CSNK2A1: variants seen among roughly 807,000 people sequenced by gnomAD.
CSNK2A1 encodes the protein casein kinase II subunit alpha.
A neutral mutation model predicts 62.9 loss-of-function variants in CSNK2A1; 10 were observed. The ratio of observed to expected loss-of-function variants is 0.16; its 90% CI spans 0.10 to 0.27. The LOEUF (loss-of-function observed/expected upper bound fraction) is 0.27. CSNK2A1 is among the 10% of genes least tolerant of loss of function. The probability of loss-of-function intolerance (pLI) is 1.00; values close to 1 mark genes in which losing one functional copy is unlikely to be tolerated. For synonymous variants in CSNK2A1, 124 were observed against 167.8 expected, an observed-to-expected ratio of 0.74 and a Z score of 2.02; for missense variants, 160 against 492.0, an observed-to-expected ratio of 0.33 and a Z score of 6.38.
intron 13 of CSNK2A1, among the ~76,000 whole-genome samples, chr20:484,555 T>TA (rs1436637734): frequency 6.6e-6 from 1 of 152,248 alleles, no homozygotes; most frequent in Non-Finnish European, 1.5e-5. Context: ...CATGTGCTCT[T>TA]ACACCATGCT....
chr20:539,070 GCTAT>G (rs1177554179), intron 1 of CSNK2A1: 6 of 152,146 alleles, frequency 3.9e-5, no homozygotes, highest in Admixed American at 1.3e-4. Flanking sequence ...TAGAATCTTT[GCTAT>G]CTTTGTTCTC....
At chr20:505,694 A>G (rs1285731666) in intron 3 of CSNK2A1, among the ~76,000 whole-genome samples, 2 of 150,310 alleles carry the variant, frequency 1.3e-5, no homozygotes, top group Non-Finnish European at 3.0e-5. Flanking sequence ...AATTAGGCCA[A>G]TTAAAATACG....
At chr20:535,086 T>TGGCTCATG (rs1369012522) in intron 1 of CSNK2A1, among the ~76,000 whole-genome samples, 4 of 136,536 alleles carry the variant, frequency 2.9e-5, no homozygotes, top group Non-Finnish European at 6.2e-5. Context: ...ACCAGTGTGG[T>TGGCTCATG]GGCTCATGAG....
rs531707327 is a variant in CSNK2A1 at position 529,908 on chromosome 20, A to G, written c.-226-1859T>C. Among the ~76,000 whole-genome samples, 10 of 152,310 alleles carry G rather than the reference A, an allele frequency of 6.6e-5. No homozygotes were observed. In the South Asian group the frequency reaches 8.3e-4, roughly 13 times the overall value. ...AGGCATCCACTGGGGATCTTGGAAT[A>G]TATTTCCCACAGATGGCTGGGAACA... On this transcript the variant is annotated intron_variant, in intron 1 of 13. Coordinates refer to ENST00000217244, the MANE Select transcript of CSNK2A1 (RefSeq NM_177559.3).
intron 2 of CSNK2A1, among the ~76,000 whole-genome samples, chr20:525,159 T>C (rs2019052898): frequency 6.6e-6 from 1 of 152,250 alleles, no homozygotes; most frequent in East Asian, 1.9e-4. Flanking sequence ...TATAGAGAGT[T>C]TGTTCATAAA....
At chr20:508,137 C>T (rs1053708136) in intron 3 of CSNK2A1, 10 of 208,862 alleles carry the variant, frequency 4.8e-5, no homozygotes, top group Non-Finnish European at 7.6e-5. Context: ...TCTTATGGAA[C>T]CACTGTCCTA....
At chr20:505,293 A>C (rs775682522) in intron 3 of CSNK2A1, 64 bp from the exon 4 acceptor site, 39 of 1,196,148 alleles carry the variant, frequency 3.3e-5, no homozygotes, top group Non-Finnish European at 4.5e-5. Context: ...AAATTACAGG[A>C]ATCTATTACC....
intron 9 of CSNK2A1, among the ~76,000 whole-genome samples, chr20:490,328 G>GTTTTTTTTTTTTTTTT (rs1555762275): frequency 2.1e-5 from 1 of 48,444 alleles, no homozygotes; most frequent in African/African-American, 1.1e-4. Flanking sequence ...TGCCTGGCTA[G>GTTTTTTTTTTTTTTTT]TTTTTTCTTT....
At position 492,245 on chromosome 20, in the gene CSNK2A1, T is replaced by C. The variant is rs2122521540; in HGVS notation, c.621+9A>G. 1 of 1,610,232 alleles carries C rather than the reference T, an allele frequency of 6.2e-7. No homozygotes were observed. The highest frequency in any genetic ancestry group is 8.5e-7 in the Non-Finnish European group (1 of 1,176,840). On this transcript the variant is annotated intron_variant, in intron 9 of 13. Coordinates refer to ENST00000217244, the MANE Select transcript of CSNK2A1 (RefSeq NM_177559.3). ...AGGATCAAAACTGTGCCTGCCCTTC[T>C]GTTCTTACCTGATAGTCTACAAGTA...
rs1402947764 is a variant in CSNK2A1 at position 477,808 on chromosome 20, A to G, written c.*6153T>C. ...GGAGTTCGAGACCAGCCTGACCAACATGGAGAAACCCCGTCTCTACTAAAA... is the reference window on the plus strand; with the variant it reads ...GGAGTTCGAGACCAGCCTGACCAACGTGGAGAAACCCCGTCTCTACTAAAA... On this transcript the variant is annotated 3_prime_UTR_variant, in exon 14 of 14. Coordinates refer to ENST00000217244, the MANE Select transcript of CSNK2A1 (RefSeq NM_177559.3). The G allele has an allele frequency of 6.6e-6, 1 of 152,200 alleles. No individual in the cohort carries two copies. The highest frequency in any genetic ancestry group is 1.5e-5 in the Non-Finnish European group (1 of 68,084). 9.4% of individuals were successfully genotyped at this position (152,200 alleles called of 1,614,324 possible).
At chr20:505,350 GGTT>G in intron 3 of CSNK2A1, 121 bp from the exon 4 acceptor site, 1 of 390,572 alleles carries the variant, frequency 2.6e-6, no homozygotes, top group Non-Finnish European at 4.5e-6. Flanking sequence ...TTCCCAAATA[GGTT>G]TTTTTTTTTT....
chr20:475,712 T>C lies in CSNK2A1; in HGVS notation c.*8249A>G, dbSNP rs1282593607. 2.0e-5 allele frequency: 3 copies of C among 152,260 alleles called. No individual in the cohort carries two copies. The highest frequency in any genetic ancestry group is 2.9e-5 in the Non-Finnish European group (2 of 68,074). 9.4% of individuals were successfully genotyped at this position (152,260 alleles called of 1,614,324 possible). A position where few individuals can be genotyped will look rare whatever the true frequency, so the allele number is the denominator to read the frequency against. On this transcript the variant is annotated 3_prime_UTR_variant, in exon 14 of 14. Coordinates refer to ENST00000217244, the MANE Select transcript of CSNK2A1 (RefSeq NM_177559.3). ...ACTGATGTTGGGCTTGGCTATGTGA[T>C]TTGCTTTCGCCAATGGGATGATGGT...
rs534354635 is a variant in CSNK2A1, at chr20:525,378, C to T, written c.-110+2555G>A. 7.9e-5 allele frequency among the ~76,000 whole-genome samples: 12 copies of T among 151,800 alleles called. No individual in the cohort carries two copies. The South Asian group carries it at 2.3e-3, about 29-fold the overall frequency. On this transcript the variant is annotated intron_variant, in intron 2 of 13. Coordinates refer to ENST00000217244, the MANE Select transcript of CSNK2A1 (RefSeq NM_177559.3). ...ATAAAAATTTTAAAAATCGGCTGGGCGCAGTGGCTCACGCCTGTAATCCCA... is the reference window on the plus strand; with the variant it reads ...ATAAAAATTTTAAAAATCGGCTGGGTGCAGTGGCTCACGCCTGTAATCCCA...
intron 2 of CSNK2A1, chr20:526,685 A>C (rs6037872): frequency 6.6e-6 from 1 of 151,360 alleles, no homozygotes; most frequent in Non-Finnish European, 1.5e-5. Flanking sequence ...GCCAGGTGTG[A>C]TGGCTCATAC....
chr20:477,997 G>A lies in CSNK2A1; in HGVS notation c.*5964C>T, dbSNP rs902984384. 2 of 151,456 alleles carry A rather than the reference G, an allele frequency of 1.3e-5. No individual in the cohort carries two copies. The highest frequency in any genetic ancestry group is 2.9e-5 in the Non-Finnish European group (2 of 68,010). The allele number at this position is 151,456 out of a possible 1,614,324, so 9.4% of individuals were successfully genotyped here. Reference sequence around the variant, plus strand: ...GATTTCCATTTCTTTCTCTGAAATAGGCATTTGCATTTTTCCTAGGATTTT... The same window carrying A: ...GATTTCCATTTCTTTCTCTGAAATAAGCATTTGCATTTTTCCTAGGATTTT... On this transcript the variant is annotated 3_prime_UTR_variant, in exon 14 of 14. Coordinates refer to ENST00000217244, the MANE Select transcript of CSNK2A1 (RefSeq NM_177559.3).
At chr20:512,193 T>G (rs1250153669) in intron 2 of CSNK2A1, among the ~76,000 whole-genome samples, 2 of 151,648 alleles carry the variant, frequency 1.3e-5, no homozygotes, top group Non-Finnish European at 2.9e-5. Flanking sequence ...TTTTTGGTTT[T>G]CTTTTCTTCT....
At chr20:507,342 C>T (rs1277545019) in intron 3 of CSNK2A1, 2 of 152,210 alleles carry the variant, frequency 1.3e-5, no homozygotes, top group Non-Finnish European at 2.9e-5. Flanking sequence ...CATCCACTAA[C>T]CACTTACAGG....
At chr20:533,878 G>A (rs1016212515) in intron 1 of CSNK2A1, among the ~76,000 whole-genome samples, 5 of 152,170 alleles carry the variant, frequency 3.3e-5, no homozygotes, top group African/African-American at 1.2e-4. Flanking sequence ...AAACACCTAA[G>A]AGAAATCGGA....
intron 1 of CSNK2A1, among the ~76,000 whole-genome samples, chr20:532,581 T>C (rs751810034): frequency 9.9e-5 from 15 of 152,140 alleles, no homozygotes; most frequent in Non-Finnish European, 1.8e-4. Flanking sequence ...GTATCCAAAC[T>C]ATATTCTGCA....
Sources: allele counts gnomAD v4.1 joint callset (sites outside exome capture counted in the v4.1 genomes callset), GRCh38; gene constraint gnomAD v4.1.1; transcripts MANE v1.5; gene names NCBI Gene and HGNC (gene_info 2026-07-23, HGNC 2026-07-21).